OR4P4: variants seen among roughly 807,000 people sequenced by gnomAD.
OR4P4 encodes olfactory receptor 4P4.
Under a neutral mutation model 2.1 loss-of-function variants are expected in OR4P4, and 1 was observed. The observed-to-expected ratio is 0.47, with a 90% CI of 0.17 to 2.21. OR4P4 has a LOEUF of 2.21. OR4P4 is among the 30% of genes most tolerant of loss of function. OR4P4 has a pLI of 0.27. For synonymous variants in OR4P4, 129 were observed against 133.2 expected, an observed-to-expected ratio of 0.97 and a Z score of 0.22; for missense variants, 375 against 376.5, an observed-to-expected ratio of 1.00 and a Z score of 0.03.
At chr11:55,638,387 T>A in exon 2 of OR4P4, 2 of 1,426,450 alleles carry the variant, frequency 1.4e-6, no homozygotes, top group Non-Finnish European at 1.9e-6. Flanking sequence ...GCACTTTGTT[T>A]ATTCTCTTGG....
intron 1 of OR4P4, among the ~76,000 whole-genome samples, chr11:55,637,882 C>CT (rs1199104165): frequency 7.3e-6 from 1 of 137,726 alleles, no homozygotes; most frequent in Non-Finnish European, 1.6e-5. Flanking sequence ...ATTGCTAATG[C>CT]TTAGTGCTAT....
intron 1 of OR4P4, 22 bp from the exon 2 acceptor site, chr11:55,638,306 C>A: frequency 1.2e-6 from 1 of 838,416 alleles, no homozygotes; most frequent in Non-Finnish European, 1.8e-6. Flanking sequence ...GACTTGTAAG[C>A]TTATAAATTA....
chr11:55,638,363 A>G lies in OR4P4; in HGVS notation c.6A>G (p.Glu2=). Residue 2 remains glutamate (E), a synonymous_variant, in exon 2 of 2, where the codon GAA becomes GAG. Coordinates refer to ENST00000641760, the Ensembl canonical transcript of OR4P4. ...TGTTCTATCTACACTGGACCATGGAAAAAAGCAATAATAGCACTTTGTTTA... is the reference window on the plus strand; with the variant it reads ...TGTTCTATCTACACTGGACCATGGAGAAAAGCAATAATAGCACTTTGTTTA... The G allele has an allele frequency of 1.5e-6, 2 of 1,350,626 alleles. 1 individual carries two copies. The allele number at this position is 1,350,626 out of a possible 1,614,324, so 83.7% of individuals were successfully genotyped here.
intron 1 of OR4P4, among the ~76,000 whole-genome samples, chr11:55,635,810 C>T (rs1858382326): frequency 7.3e-6 from 1 of 137,336 alleles, no homozygotes; most frequent in Non-Finnish European, 1.6e-5. Context: ...TAAGCAGTTG[C>T]TAATTTTTAA....
At position 55,638,303 on chromosome 11, in the gene OR4P4, A is replaced by G. The variant is rs756582454; in HGVS notation, c.-30-25A>G. ...ATTGTACTTCTTAACAAAGACTTGTAAGCTTATAAATTATGTCATTTCAGG... is the reference window on the plus strand; with the variant it reads ...ATTGTACTTCTTAACAAAGACTTGTGAGCTTATAAATTATGTCATTTCAGG... On this transcript the variant is annotated intron_variant, in intron 1 of 1. Coordinates refer to ENST00000641760, the Ensembl canonical transcript of OR4P4. 61 of 824,494 alleles carry G rather than the reference A, an allele frequency of 7.4e-5. 8 individuals carry two copies. The highest frequency in any genetic ancestry group is 1.1e-4 in the Non-Finnish European group (59 of 546,278). The allele number at this position is 824,494 out of a possible 1,614,324, so 51.1% of individuals were successfully genotyped here.
intron 1 of OR4P4, among the ~76,000 whole-genome samples, chr11:55,637,915 C>A (rs1321619763): frequency 2.9e-5 from 4 of 138,224 alleles, no homozygotes; most frequent in Middle Eastern, 3.8e-3. Flanking sequence ...GAATTTTCTA[C>A]ATTATTTAAA....
exon 2 of OR4P4, chr11:55,638,708 C>T: frequency 2.0e-6 from 3 of 1,491,640 alleles, no homozygotes; most frequent in Non-Finnish European, 2.7e-6. Flanking sequence ...CAGGGATGGC[C>T]TATGACCGCT....
In OR4P4 at chr11:55,638,794, G is replaced by C; in HGVS notation, c.437G>C (p.Cys146Ser). ...AAGTGTAACACAATCATCATAGTTT[G>C]TTGTACTGGGGGATTTATACATTCT... Residue 146 changes from cysteine to serine, a missense_variant, in exon 2 of 2, where the codon TGT (cysteine) becomes TCT (serine). Physicochemically the swap from Cys to Ser is moderately radical, Grantham distance 112 (BLOSUM62 -1). Coordinates refer to ENST00000641760, the Ensembl canonical transcript of OR4P4. The C allele has an allele frequency of 1.3e-6, 2 of 1,492,262 alleles. 1 individual carries two copies. The highest frequency in any genetic ancestry group is 1.8e-6 in the Non-Finnish European group (2 of 1,097,386). 92.4% of individuals were successfully genotyped at this position (1,492,262 alleles called of 1,614,324 possible). A position where few individuals can be genotyped will look rare whatever the true frequency, so the allele number is the denominator to read the frequency against.
chr11:55,635,499 A>G (rs1198963318), intron 1 of OR4P4, among the ~76,000 whole-genome samples: 2 of 137,120 alleles, frequency 1.5e-5, no homozygotes, highest in East Asian at 2.4e-4. Flanking sequence ...AGTTACTAAC[A>G]TGGTATGAAT....
Position 55,636,324 on chromosome 11 carries a change from C to G in OR4P4, c.-31+1108C>G, listed in dbSNP as rs1337898448. Among the ~76,000 whole-genome samples the G allele has an allele frequency of 1.5e-5, 2 of 137,642 alleles. 1 individual carries two copies. Among genetic ancestry groups the G allele is most frequent in the East Asian group, 4.7e-4 (2 of 4,236 alleles). The allele number at this position is 137,642 out of a possible 152,430, so 90.3% of individuals were successfully genotyped here. A position where few individuals can be genotyped will look rare whatever the true frequency, so the allele number is the denominator to read the frequency against. ...TACTTTTGTTGCTTTCTAGAGCTGG[C>G]TTATATAAGGATCCTGAACTGATTC... On this transcript the variant is annotated intron_variant, in intron 1 of 1. Transcript: ENST00000641760.
chr11:55,636,329 A>G lies in OR4P4; in HGVS notation c.-31+1113A>G, dbSNP rs1305061178. ...TTGTTGCTTTCTAGAGCTGGCTTAT[A>G]TAAGGATCCTGAACTGATTCAGTTT... is the stretch of plus-strand genomic sequence containing the variant. On this transcript the variant is annotated intron_variant, in intron 1 of 1. Coordinates refer to ENST00000641760, the Ensembl canonical transcript of OR4P4. 2.9e-5 allele frequency among the ~76,000 whole-genome samples: 4 copies of G among 138,154 alleles called. 1 individual carries two copies. Among genetic ancestry groups the G allele is most frequent in the African/African-American group, 5.0e-5 (2 of 39,948 alleles). 90.6% of individuals were successfully genotyped at this position (138,154 alleles called of 152,430 possible). A position where few individuals can be genotyped will look rare whatever the true frequency, so the allele number is the denominator to read the frequency against.
exon 2 of OR4P4, chr11:55,638,578 C>A: frequency 6.8e-7 from 1 of 1,477,678 alleles, no homozygotes; most frequent in Non-Finnish European, 9.2e-7. Context: ...TACACATCCA[C>A]AGTGACCCCC....
intron 1 of OR4P4, among the ~76,000 whole-genome samples, chr11:55,635,852 A>T (rs1178386392): frequency 1.5e-5 from 2 of 137,624 alleles, no homozygotes; most frequent in African/African-American, 5.0e-5. Context: ...ATAGACTAAG[A>T]CATTTTTGGA....
exon 2 of OR4P4, chr11:55,639,297 A>ATTG (rs1225630671): frequency 7.2e-7 from 1 of 1,380,758 alleles, no homozygotes; most frequent in Non-Finnish European, 9.8e-7. Flanking sequence ...ACTTTTCTGA[A>ATTG]TTGTTTCTGC....
Position 55,635,261 on chromosome 11 carries a change from A to C in OR4P4, c.-31+45A>C, listed in dbSNP as rs1262863541. ...GACATATAAATAATTAACTGTAAGT[A>C]AGTAAGAAATGCCTTGGGAAGAAAT... is the stretch of plus-strand genomic sequence containing the variant. On this transcript the variant is annotated intron_variant, in intron 1 of 1. Coordinates refer to ENST00000641760, the Ensembl canonical transcript of OR4P4. The C allele has an allele frequency of 2.9e-5, 4 of 138,146 alleles. 1 individual carries two copies. Among genetic ancestry groups the C allele is most frequent in the Non-Finnish European group, 4.9e-5 (3 of 61,730 alleles). The allele number at this position is 138,146 out of a possible 1,614,324, so 8.6% of individuals were successfully genotyped here.
rs931682580 is a variant in OR4P4, at chr11:55,639,996, C to G, written c.*700C>G. On this transcript the variant is annotated 3_prime_UTR_variant, in exon 2 of 2. Coordinates refer to ENST00000641760, the Ensembl canonical transcript of OR4P4. Reference sequence around the variant, plus strand: ...TAAAAATACAAAAATTAGCTGGGCGCAGGGGCGAGCACCTGTAATCCCAGC... The same window carrying G: ...TAAAAATACAAAAATTAGCTGGGCGGAGGGGCGAGCACCTGTAATCCCAGC... 2.1e-4 allele frequency: 28 copies of G among 134,588 alleles called. 3 individuals are homozygous for G. The highest frequency in any genetic ancestry group is 6.9e-4 in the African/African-American group (27 of 39,054). 8.3% of individuals were successfully genotyped at this position (134,588 alleles called of 1,614,324 possible). A position where few individuals can be genotyped will look rare whatever the true frequency, so the allele number is the denominator to read the frequency against.
At position 55,635,991 on chromosome 11, in the gene OR4P4, G is replaced by A. The variant is rs1322555938; in HGVS notation, c.-31+775G>A. 2.2e-5 allele frequency among the ~76,000 whole-genome samples: 3 copies of A among 137,648 alleles called. 1 individual carries two copies. The highest frequency in any genetic ancestry group is 7.5e-5 in the African/African-American group (3 of 39,852). The allele number at this position is 137,648 out of a possible 152,430, so 90.3% of individuals were successfully genotyped here. ...TCTTGGAGAACTGCATGTGAGAAAA[G>A]GGACATGCTGTTACAACTCTTGAGA... On this transcript the variant is annotated intron_variant, in intron 1 of 1. Coordinates refer to ENST00000641760, the Ensembl canonical transcript of OR4P4.
chr11:55,639,156 A>G, exon 2 of OR4P4: 1 of 1,493,340 alleles, frequency 6.7e-7, no homozygotes, highest in Admixed American at 2.0e-5. Flanking sequence ...CTCAGAAGAT[A>G]AAGTGTTTGC....
chr11:55,636,095 G>T (rs530471876), intron 1 of OR4P4, among the ~76,000 whole-genome samples: 1 of 137,668 alleles, frequency 7.3e-6, no homozygotes, highest in African/African-American at 2.5e-5. Context: ...ATAGAATTGA[G>T]GCTAGTGTCC....
Sources: allele counts gnomAD v4.1 joint callset (sites outside exome capture counted in the v4.1 genomes callset), GRCh38; gene constraint gnomAD v4.1.1; transcripts MANE v1.5; gene names NCBI Gene and HGNC (gene_info 2026-07-23, HGNC 2026-07-21).